BMPR2: variants seen among roughly 807,000 people sequenced by gnomAD.
BMPR2 encodes the protein bone morphogenetic protein receptor type-2.
A neutral mutation model predicts 100.8 loss-of-function variants in BMPR2; 29 were observed. That is an observed-to-expected ratio of 0.29 (90% CI 0.21 to 0.39). The LOEUF is 0.39. Among genes scored for constraint, BMPR2 ranks in the 10% least tolerant of loss-of-function variants. The pLI is 1.00. For synonymous variants in BMPR2, 382 were observed against 442.3 expected (o/e 0.86, Z 1.71); for missense variants, 1,011 against 1,274.5 (o/e 0.79, Z 3.15).
chr2:202,456,022 G>A (rs1425064997), intron 1 of BMPR2, among the ~76,000 whole-genome samples: 3 of 115,256 alleles, frequency 2.6e-5, no homozygotes, highest in East Asian at 3.0e-4. Context: ...CCGAGATTGC[G>A]CCACTGTACT....
intron 7 of BMPR2, among the ~76,000 whole-genome samples, chr2:202,528,256 C>G (rs1390223963): frequency 6.6e-6 from 1 of 152,178 alleles, no homozygotes; most frequent in Non-Finnish European, 1.5e-5. Context: ...GGCGTGATCT[C>G]GGCTCACTGC....
At chr2:202,525,857 CTTTTTTTTT>C (rs386392340) in intron 7 of BMPR2, among the ~76,000 whole-genome samples, 2 of 69,362 alleles carry the variant, frequency 2.9e-5, no homozygotes, top group East Asian at 1.1e-3. Flanking sequence ...TTCAGAGCAT[CTTTTTTTTT>C]TTTTTTTTTT....
intron 3 of BMPR2, among the ~76,000 whole-genome samples, chr2:202,484,731 C>G (rs992851015): frequency 6.6e-6 from 1 of 150,962 alleles, no homozygotes; most frequent in Non-Finnish European, 1.5e-5. Context: ...CTTTGGGAGG[C>G]CGAGGCAGGT....
At chr2:202,499,415 A>G (rs557114807) in intron 3 of BMPR2, among the ~76,000 whole-genome samples, 1 of 151,850 alleles carries the variant, frequency 6.6e-6, no homozygotes, top group African/African-American at 2.4e-5. Flanking sequence ...TCAGCAAGCC[A>G]TCCCCATTAT....
At chr2:202,473,827 C>G (rs929808815) in intron 3 of BMPR2, among the ~76,000 whole-genome samples, 1 of 148,644 alleles carries the variant, frequency 6.7e-6, no homozygotes, top group African/African-American at 2.5e-5. Flanking sequence ...AATAAAATAG[C>G]CAGGCGCAGT....
At chr2:202,518,632 A>T (rs988079526) in intron 5 of BMPR2, among the ~76,000 whole-genome samples, 190 bp from the exon 6 acceptor site, 1 of 151,946 alleles carries the variant, frequency 6.6e-6, no homozygotes, top group Admixed American at 6.6e-5. Context: ...AATGTTCTCT[A>T]TGGGCAGGCT....
At chr2:202,498,197 G>A (rs577543365) in intron 3 of BMPR2, among the ~76,000 whole-genome samples, 24 of 151,948 alleles carry the variant, frequency 1.6e-4, no homozygotes, top group Non-Finnish European at 2.8e-4. Context: ...TTGAGGATGC[G>A]TTGGTAAGGG....
intron 3 of BMPR2, among the ~76,000 whole-genome samples, chr2:202,470,625 G>A (rs1000094721): frequency 7.9e-5 from 12 of 151,864 alleles, no homozygotes; most frequent in South Asian, 2.1e-4. Flanking sequence ...TTAGCCGGGC[G>A]CGGTGGCGGG....
At position 202,381,649 on chromosome 2, in the gene BMPR2, G is replaced by GTA. The variant is rs963047708; in HGVS notation, c.76+4100_76+4101dup. Among the ~76,000 whole-genome samples, 139 of 152,314 alleles carry GTA rather than the reference G, an allele frequency of 9.1e-4. 1 individual carries two copies. The highest frequency in any genetic ancestry group is 3.2e-3 in the African/African-American group (131 of 41,562). On this transcript the variant is annotated intron_variant, in intron 1 of 12. Transcript: ENST00000374580. ...GAAGAACGAAGAATTGAAATTCTCAGTAGACCACATATAACCAGTAAGATG... is the reference window on the plus strand; with the variant it reads ...GAAGAACGAAGAATTGAAATTCTCAGTATAGACCACATATAACCAGTAAGATG...
intron 3 of BMPR2, among the ~76,000 whole-genome samples, chr2:202,492,787 C>G (rs1559054789): frequency 7.2e-6 from 1 of 139,504 alleles, no homozygotes; most frequent in Non-Finnish European, 1.5e-5. Context: ...AGGGAAACAA[C>G]TAGGAAACAG....
At chr2:202,470,037 T>C (rs1692403246) in intron 3 of BMPR2, among the ~76,000 whole-genome samples, 1 of 152,108 alleles carries the variant, frequency 6.6e-6, no homozygotes, top group African/African-American at 2.4e-5. Flanking sequence ...CGTAGATGCA[T>C]TATAGGATTA....
rs1469949726 is a variant in BMPR2, at chr2:202,509,567, GA to G, written c.419-4147del. Among the ~76,000 whole-genome samples, 10 of 151,818 alleles carry G rather than the reference GA, an allele frequency of 6.6e-5. No individual in the cohort carries two copies. In the East Asian group the frequency reaches 1.5e-3, roughly 23 times the overall value. ...AAGCCTAGAAAGCTAAATCTTAGTG[GA>G]AAAATCTTTATTATTAAATTTTCAA... On this transcript the variant is annotated intron_variant, in intron 3 of 12. Transcript: ENST00000374580.
At chr2:202,417,891 TG>T (rs1691170188) in intron 1 of BMPR2, among the ~76,000 whole-genome samples, 1 of 151,866 alleles carries the variant, frequency 6.6e-6, no homozygotes, top group Non-Finnish European at 1.5e-5. Flanking sequence ...GCTAATTTTT[TG>T]TTTTTTTAGT....
chr2:202,490,418 T>C (rs1692877438), intron 3 of BMPR2, among the ~76,000 whole-genome samples: 1 of 152,232 alleles, frequency 6.6e-6, no homozygotes, highest in Admixed American at 6.5e-5. Context: ...TTGGAACCTA[T>C]ACATTTAGTA....
At chr2:202,523,811 AAAAAAG>A (rs573602263) in intron 7 of BMPR2, among the ~76,000 whole-genome samples, 5 of 152,172 alleles carry the variant, frequency 3.3e-5, no homozygotes, top group Admixed American at 6.5e-5. Flanking sequence ...TCTCAAAAAG[AAAAAAG>A]AAAAAGAAAA....
intron 7 of BMPR2, among the ~76,000 whole-genome samples, chr2:202,522,659 C>T (rs1687839191): frequency 6.6e-6 from 1 of 151,970 alleles, no homozygotes. Context: ...GTCAGACCCC[C>T]ATCTCTACAA....
intron 3 of BMPR2, among the ~76,000 whole-genome samples, chr2:202,480,953 TAAAAAA>T (rs71035011): frequency 6.9e-5 from 3 of 43,356 alleles, no homozygotes; most frequent in Admixed American, 3.4e-4. Flanking sequence ...AGACTCCGTC[TAAAAAA>T]AAAAAAAAAA....
chr2:202,487,866 C>T (rs1348621830), intron 3 of BMPR2, among the ~76,000 whole-genome samples: 2 of 152,210 alleles, frequency 1.3e-5, no homozygotes, highest in Non-Finnish European at 2.9e-5. Context: ...GCACCACCAA[C>T]ACCCGGCCAA....
chr2:202,484,003 T>G lies in BMPR2; in HGVS notation c.418+16314T>G, dbSNP rs920314631. On this transcript the variant is annotated intron_variant, in intron 3 of 12. Coordinates refer to ENST00000374580, the MANE Select transcript of BMPR2 (RefSeq NM_001204.7). ...TAGCTACTCCAGAAGCTGAGGCAGTTGGATCACTTAAGCCTAGGAGTTTGA... is the reference window on the plus strand; with the variant it reads ...TAGCTACTCCAGAAGCTGAGGCAGTGGGATCACTTAAGCCTAGGAGTTTGA... Among the ~76,000 whole-genome samples, 3 of 152,180 alleles carry G rather than the reference T, an allele frequency of 2.0e-5. No homozygotes were observed. The South Asian group carries it at 6.2e-4, about 31-fold the overall frequency.
Sources: allele counts gnomAD v4.1 joint callset (sites outside exome capture counted in the v4.1 genomes callset), GRCh38; gene constraint gnomAD v4.1.1; transcripts MANE v1.5; gene names NCBI Gene and HGNC (gene_info 2026-07-23, HGNC 2026-07-21).